Variants in GALNT2 observed in about 807,000 individuals in gnomAD.
The protein encoded by GALNT2 is UDP-GalNAc:polypeptide N-acetylgalactosaminyltransferase 2.
GALNT2 carries 31 observed loss-of-function variants against 81.4 expected under a neutral mutation model. The ratio of observed to expected loss-of-function variants is 0.38; its 90% CI spans 0.29 to 0.51. The LOEUF (loss-of-function observed/expected upper bound fraction) is 0.51, where lower values mean the gene tolerates loss of function less well. GALNT2 is among the 20% of genes least tolerant of loss of function. The pLI is 0.87. For synonymous variants in GALNT2, 303 were observed against 287.4 expected, an observed-to-expected ratio of 1.05 and a Z score of -0.55; for missense variants, 629 against 765.7, an observed-to-expected ratio of 0.82 and a Z score of 2.11.
At chr1:230,104,356 A>G (rs1020351795) in intron 1 of GALNT2, among the ~76,000 whole-genome samples, 2 of 152,150 alleles carry the variant, frequency 1.3e-5, no homozygotes. Context: ...TCCCTTTTCC[A>G]TGGTGGTGCA....
intron 2 of GALNT2, among the ~76,000 whole-genome samples, chr1:230,180,296 C>CTTTT (rs56786141): frequency 1.4e-4 from 10 of 70,608 alleles, no homozygotes; most frequent in East Asian, 4.6e-4. Flanking sequence ...TGTCTAGGTT[C>CTTTT]TTTTTTTTTT....
At chr1:230,276,783 TAAACA>T (rs1321127010) in intron 15 of GALNT2, among the ~76,000 whole-genome samples, 1 of 152,136 alleles carries the variant, frequency 6.6e-6, no homozygotes, top group African/African-American at 2.4e-5. Context: ...GAGTGCCTGT[TAAACA>T]AGAGAAGGCT....
chr1:230,111,540 GTCTTTC>G (rs1285525201), intron 1 of GALNT2, among the ~76,000 whole-genome samples: 1 of 152,226 alleles, frequency 6.6e-6, no homozygotes, highest in Non-Finnish European at 1.5e-5. Context: ...TACCCAAGTA[GTCTTTC>G]TCTTGCTGGC....
intron 8 of GALNT2, among the ~76,000 whole-genome samples, chr1:230,247,182 C>T (rs1445242477): frequency 6.6e-6 from 1 of 152,084 alleles, no homozygotes; most frequent in Admixed American, 6.5e-5. Flanking sequence ...CAGTGAGCCA[C>T]GATCAACCCT....
chr1:230,230,520 CCTACACAGGA>C (rs1258936829), intron 3 of GALNT2, among the ~76,000 whole-genome samples: 1 of 152,134 alleles, frequency 6.6e-6, no homozygotes, highest in African/African-American at 2.4e-5. Flanking sequence ...CAGATTTGCT[CCTACACAGGA>C]CTCCAGTCCT....
At chr1:230,226,686 CA>C (rs1488521529) in intron 3 of GALNT2, among the ~76,000 whole-genome samples, 9 of 152,252 alleles carry the variant, frequency 5.9e-5, no homozygotes, top group Admixed American at 5.9e-4. Flanking sequence ...CACTCTCTCC[CA>C]AAGTTAGGGG....
chr1:230,232,333 A>G (rs1485669891), intron 3 of GALNT2, among the ~76,000 whole-genome samples: 2 of 152,194 alleles, frequency 1.3e-5, no homozygotes, highest in Non-Finnish European at 2.9e-5. Flanking sequence ...ATGAATATGT[A>G]GATGAATTTT....
intron 1 of GALNT2, among the ~76,000 whole-genome samples, chr1:230,075,077 A>G (rs1022477259): frequency 1.4e-5 from 2 of 143,612 alleles, no homozygotes; most frequent in African/African-American, 2.6e-5. Context: ...CTTGGAGCAG[A>G]TGCACACTTG....
At chr1:230,198,831 A>G (rs1663794598) in intron 2 of GALNT2, among the ~76,000 whole-genome samples, 1 of 152,192 alleles carries the variant, frequency 6.6e-6, no homozygotes, top group Admixed American at 6.5e-5. Flanking sequence ...TTCCTCAAAA[A>G]TATTTTCATA....
intron 2 of GALNT2, among the ~76,000 whole-genome samples, chr1:230,201,078 T>A (rs1436904956): frequency 6.6e-6 from 1 of 152,132 alleles, no homozygotes; most frequent in African/African-American, 2.4e-5. Context: ...TGAAAATATA[T>A]GAGGGTGAAG....
chr1:230,167,611 G>T (rs1662651103), intron 1 of GALNT2, among the ~76,000 whole-genome samples: 1 of 152,230 alleles, frequency 6.6e-6, no homozygotes, highest in Middle Eastern at 3.2e-3. Flanking sequence ...CCTGCTTGTG[G>T]GCTGAGGTGA....
chr1:230,247,705 GT>G, intron 8 of GALNT2, among the ~76,000 whole-genome samples: 1 of 152,266 alleles, frequency 6.6e-6, no homozygotes, highest in Admixed American at 6.5e-5. Flanking sequence ...CAGGTGTTCC[GT>G]GTGGGGGTGC....
rs141032885 is a variant in GALNT2, at chr1:230,142,804, C to T, written c.127-35414C>T. On this transcript the variant is annotated intron_variant, in intron 1 of 15. Coordinates refer to ENST00000366672, the MANE Select transcript of GALNT2 (RefSeq NM_004481.5). ...GTCCTCTGTCTTACTGTGGGGCCTG[C>T]GTGGGAAGGCTGGGTTTTTCTGAAC... Among the ~76,000 whole-genome samples the T allele has an allele frequency of 3.0e-3, 456 of 152,220 alleles. 1 individual carries two copies. The highest frequency in any genetic ancestry group is 4.8e-3 in the Admixed American group (74 of 15,296).
At chr1:230,118,932 C>T (rs915250798) in intron 1 of GALNT2, among the ~76,000 whole-genome samples, 3 of 152,190 alleles carry the variant, frequency 2.0e-5, no homozygotes, top group Non-Finnish European at 4.4e-5. Flanking sequence ...CAGCCCTGTC[C>T]TGTCCATGAC....
intron 3 of GALNT2, among the ~76,000 whole-genome samples, chr1:230,232,000 C>T (rs962712337): frequency 6.6e-6 from 1 of 152,148 alleles, no homozygotes; most frequent in Non-Finnish European, 1.5e-5. Context: ...ATGAAAGTGC[C>T]CCTGGCAGCC....
Position 230,249,279 on chromosome 1 carries a change from C to T in GALNT2, c.905+8C>T. ...CCCAGTCGCCCCTATAAAGTAAGTG[C>T]CAGCATCCTTCAGGGTGCCCCTCCC... On this transcript the variant is annotated splice_region_variant and intron_variant, in intron 9 of 15. Transcript: ENST00000366672. The T allele has an allele frequency of 1.9e-6, 3 of 1,613,246 alleles. No homozygotes were observed. Among genetic ancestry groups the T allele is most frequent in the Non-Finnish European group, 2.5e-6 (3 of 1,179,460 alleles).
chr1:230,178,436 C>G (rs1663055557), intron 2 of GALNT2, 125 bp downstream of exon 2: 1 of 644,218 alleles, frequency 1.6e-6, no homozygotes, highest in Non-Finnish European at 2.6e-6. Context: ...GGAGACACCG[C>G]CCTAAAGCAC....
At chr1:230,161,696 AC>A (rs1662443133) in intron 1 of GALNT2, among the ~76,000 whole-genome samples, 1 of 152,222 alleles carries the variant, frequency 6.6e-6, no homozygotes, top group African/African-American at 2.4e-5. Context: ...CGGGTGACTC[AC>A]ATCCATTTCT....
chr1:230,262,821 C>T lies in GALNT2; in HGVS notation c.1230-101C>T, dbSNP rs979786365. Reference sequence around the variant, plus strand: ...AGCATGGGCAGTCCACACCACACCACCTGCCCCAACCCTGTTCTCCTCAGC... The same window carrying T: ...AGCATGGGCAGTCCACACCACACCATCTGCCCCAACCCTGTTCTCCTCAGC... On this transcript the variant is annotated intron_variant, in intron 12 of 15. Transcript: ENST00000366672. 10 of 1,340,272 alleles carry T rather than the reference C, an allele frequency of 7.5e-6. No homozygotes were observed. The African/African-American group carries it at 1.4e-4, about 19-fold the overall frequency. The allele number at this position is 1,340,272 out of a possible 1,614,324, so 83.0% of individuals were successfully genotyped here. A position where few individuals can be genotyped will look rare whatever the true frequency, so the allele number is the denominator to read the frequency against.
Sources: gnomAD v4.1 joint callset for allele counts (sites outside exome capture counted in the v4.1 genomes callset) on GRCh38, gnomAD v4.1.1 for gene constraint, MANE v1.5 for transcripts, NCBI Gene and HGNC (gene_info 2026-07-23, HGNC 2026-07-21) for gene names.